CSNK1G1: variants seen among roughly 807,000 people sequenced by gnomAD.
The protein encoded by CSNK1G1 is casein kinase 1 gamma 1.
CSNK1G1 carries 22 observed loss-of-function variants against 59.6 expected under a neutral mutation model. That is an observed-to-expected ratio of 0.37 (90% CI 0.26 to 0.53). The LOEUF is 0.53. Among genes scored for constraint, CSNK1G1 ranks in the 20% least tolerant of loss-of-function variants. The probability of loss-of-function intolerance (pLI) is 0.89; values close to 1 mark genes in which losing one functional copy is unlikely to be tolerated. For missense variants in CSNK1G1, 384 were observed against 519.5 expected, an observed-to-expected ratio of 0.74 and a Z score of 2.54; for synonymous variants, 179 against 177.1, an observed-to-expected ratio of 1.01 and a Z score of -0.08.
intron 1 of CSNK1G1, among the ~76,000 whole-genome samples, chr15:64,355,142 T>C (rs900225644): frequency 5.3e-5 from 8 of 152,176 alleles, no homozygotes; most frequent in Non-Finnish European, 1.2e-4. Context: ...CTGTGATACA[T>C]CTATATGGTT....
intron 1 of CSNK1G1, among the ~76,000 whole-genome samples, chr15:64,346,299 C>T (rs1039827006): frequency 9.3e-5 from 14 of 149,754 alleles, no homozygotes; most frequent in Non-Finnish European, 2.1e-4. Context: ...ATTCCTTACA[C>T]CTTTCCAAAA....
intron 2 of CSNK1G1, among the ~76,000 whole-genome samples, chr15:64,277,622 T>TTAA (rs1240349859): frequency 0.013 from 1,646 of 128,996 alleles, 13 homozygotes; most frequent in South Asian, 0.018. Context: ...ATTGGTATAT[T>TTAA]TAATATATTA....
In CSNK1G1 at chr15:64,213,708, T is replaced by C. The variant is rs570652150; in HGVS notation, c.679+182A>G. Among the ~76,000 whole-genome samples the C allele has an allele frequency of 6.6e-5, 10 of 152,376 alleles. 1 individual carries two copies. Among genetic ancestry groups the C allele is most frequent in the East Asian group, 1.9e-4 (1 of 5,194 alleles). On this transcript the variant is annotated intron_variant, in intron 6 of 11. Transcript: ENST00000303052. ...GTGTAAAGAATTAAGAACCTATGCATAGTCTATAGGATTCTTTGAAAAGTC... is the reference window on the plus strand; with the variant it reads ...GTGTAAAGAATTAAGAACCTATGCACAGTCTATAGGATTCTTTGAAAAGTC...
At chr15:64,255,416 C>T (rs1892323510) in intron 3 of CSNK1G1, among the ~76,000 whole-genome samples, 1 of 152,090 alleles carries the variant, frequency 6.6e-6, no homozygotes, top group Non-Finnish European at 1.5e-5. Flanking sequence ...GAAGGAGATT[C>T]CATAACTTCC....
chr15:64,249,005 C>T (rs1200677101), intron 4 of CSNK1G1, among the ~76,000 whole-genome samples: 1 of 152,106 alleles, frequency 6.6e-6, no homozygotes, highest in Non-Finnish European at 1.5e-5. Flanking sequence ...CGCCTGTAGG[C>T]CCAGCTACTC....
At chr15:64,212,692 G>A (rs2082263262) in intron 6 of CSNK1G1, among the ~76,000 whole-genome samples, 1 of 152,126 alleles carries the variant, frequency 6.6e-6, no homozygotes, top group South Asian at 2.1e-4. Flanking sequence ...CTGAGTGAGA[G>A]TGAGATTCTG....
In CSNK1G1 at chr15:64,272,285, G is replaced by A. The variant is rs532401706; in HGVS notation, c.182-13044C>T. 1.5e-3 allele frequency among the ~76,000 whole-genome samples: 227 copies of A among 150,250 alleles called. 1 individual carries two copies. Among genetic ancestry groups the A allele is most frequent in the African/African-American group, 5.3e-3 (218 of 40,864 alleles). On this transcript the variant is annotated intron_variant, in intron 2 of 11. Transcript: ENST00000303052. ...GGCTGGAGTGCAGTGGCGCAATCTC[G>A]GCTCACTGCAAGCTCTGCCTCCTGG... is the stretch of plus-strand genomic sequence containing the variant.
chr15:64,220,026 C>T (rs1352357041), intron 4 of CSNK1G1, among the ~76,000 whole-genome samples: 1 of 151,980 alleles, frequency 6.6e-6, no homozygotes, highest in Admixed American at 6.6e-5. Flanking sequence ...CCTGCCTTGG[C>T]CTCTCAAAGT....
At chr15:64,213,291 C>T (rs912471848) in intron 6 of CSNK1G1, among the ~76,000 whole-genome samples, 1 of 152,120 alleles carries the variant, frequency 6.6e-6, no homozygotes. Context: ...GTTCCTTAGG[C>T]TTCTCTGACA....
chr15:64,249,757 C>T (rs528176664), intron 4 of CSNK1G1, among the ~76,000 whole-genome samples: 4 of 152,344 alleles, frequency 2.6e-5, no homozygotes, highest in African/African-American at 9.6e-5. Flanking sequence ...ACAGAGAATG[C>T]TGAAACTTCA....
At chr15:64,347,030 A>G (rs949863610) in intron 1 of CSNK1G1, among the ~76,000 whole-genome samples, 1 of 152,250 alleles carries the variant, frequency 6.6e-6, no homozygotes, top group African/African-American at 2.4e-5. Context: ...AAAAAGGTAT[A>G]GAAATGTCAA....
chr15:64,344,826 C>T lies in CSNK1G1; in HGVS notation c.-225+11162G>A, dbSNP rs546363334. ...TCAGCTGTAAAATGAAAGGGTCTAA[C>T]TAGACCATCTCCATATTTTCTTTTA... On this transcript the variant is annotated intron_variant, in intron 1 of 11. Transcript: ENST00000303052. Among the ~76,000 whole-genome samples, 7 of 152,306 alleles carry T rather than the reference C, an allele frequency of 4.6e-5. No homozygotes were observed. In the East Asian group the frequency reaches 1.3e-3, roughly 29 times the overall value.
In CSNK1G1 at chr15:64,354,855, G is replaced by T. The variant is rs1596312290; in HGVS notation, c.-225+1133C>A. 2.0e-5 allele frequency among the ~76,000 whole-genome samples: 3 copies of T among 152,290 alleles called. No homozygotes were observed. In the South Asian group the frequency reaches 6.2e-4, roughly 32 times the overall value. On this transcript the variant is annotated intron_variant, in intron 1 of 11. Transcript: ENST00000303052. ...GTAACTAGCAACTGGCATAGTCTAG[G>T]TTCAACCCAAGATTTATCTGCCTGA...
chr15:64,208,196 A>G (rs1783385273), intron 6 of CSNK1G1, among the ~76,000 whole-genome samples: 1 of 152,222 alleles, frequency 6.6e-6, no homozygotes. Flanking sequence ...AGAATTTATT[A>G]CTAAGGTCTC....
intron 10 of CSNK1G1, among the ~76,000 whole-genome samples, chr15:64,193,186 G>A (rs568443689): frequency 5.3e-4 from 81 of 151,916 alleles, no homozygotes; most frequent in Non-Finnish European, 8.5e-4. Context: ...GGGGTAAGAC[G>A]GAAGAAGAAA....
intron 4 of CSNK1G1, among the ~76,000 whole-genome samples, chr15:64,230,341 G>A (rs1217965504): frequency 6.6e-6 from 1 of 151,708 alleles, no homozygotes; most frequent in Non-Finnish European, 1.5e-5. Flanking sequence ...CTATCACCCA[G>A]GCTATAGTGC....
chr15:64,194,461 C>CTT (rs2082012374), intron 10 of CSNK1G1, among the ~76,000 whole-genome samples: 1 of 151,046 alleles, frequency 6.6e-6, no homozygotes, highest in Non-Finnish European at 1.5e-5. Context: ...AGTCACTAAG[C>CTT]ATAACAGCAC....
chr15:64,235,705 T>G (rs1340193835), intron 4 of CSNK1G1, among the ~76,000 whole-genome samples: 1 of 152,226 alleles, frequency 6.6e-6, no homozygotes, highest in Admixed American at 6.5e-5. Context: ...GAGTGGATAG[T>G]AACTTAAGGA....
At chr15:64,333,433 CAAAAAAAAAA>C (rs59451869) in intron 1 of CSNK1G1, among the ~76,000 whole-genome samples, 1 of 23,086 alleles carries the variant, frequency 4.3e-5, no homozygotes, top group African/African-American at 2.4e-4. Context: ...GACACCATCT[CAAAAAAAAAA>C]AAAAAAAAAA....
Sources: allele counts gnomAD v4.1 joint callset (sites outside exome capture counted in the v4.1 genomes callset), GRCh38; gene constraint gnomAD v4.1.1; transcripts MANE v1.5; gene names NCBI Gene and HGNC (gene_info 2026-07-23, HGNC 2026-07-21).